The following MICU1 variants were observed in gnomAD, a reference collection of about 807,000 sequenced individuals.
MICU1 encodes calcium uptake protein 1, mitochondrial.
In MICU1, 45 loss-of-function variants were observed where a neutral mutation model predicts 56.8. The ratio of observed to expected loss-of-function variants is 0.79; its 90% confidence interval spans 0.62 to 1.02. MICU1 has a LOEUF of 1.02. Ranked by LOEUF, MICU1 falls within the 50% of genes least tolerant of loss-of-function variation. The probability of loss-of-function intolerance (pLI) is 0.00; values close to 1 mark genes in which losing one functional copy is unlikely to be tolerated. For missense variants in MICU1, 504 were observed against 587.1 expected (o/e 0.86, Z 1.46); for synonymous variants, 186 against 195.1 (o/e 0.95, Z 0.39).
At chr10:72,427,743 T>C (rs1308045647) in intron 8 of MICU1, among the ~76,000 whole-genome samples, 1 of 27,426 alleles carries the variant, frequency 3.6e-5, no homozygotes, top group Non-Finnish European at 1.4e-4. Context: ...AATATATATA[T>C]ATATATATAT....
At chr10:72,500,302 ATTTTTTTTTTT>A (rs542725786) in intron 6 of MICU1, among the ~76,000 whole-genome samples, 7 of 10,678 alleles carry the variant, frequency 6.6e-4, no homozygotes, top group Admixed American at 1.9e-3. Context: ...ATATATATAT[ATTTTTTTTTTT>A]TTTTTTTTTT....
In MICU1 at chr10:72,368,036, A is replaced by G; in HGVS notation, c.*159T>C. ...AATCAGAGCCCAGCAGAACACGGGG[A>G]CGGGGAAGGGTAAAGAGGGGAAACC... is the stretch of plus-strand genomic sequence containing the variant. On this transcript the variant is annotated 3_prime_UTR_variant, in exon 12 of 12. Transcript: ENST00000361114. 1.5e-6 allele frequency: 1 copy of G among 683,574 alleles called. No individual in the cohort carries two copies. The highest frequency in any genetic ancestry group is 2.4e-6 in the Non-Finnish European group (1 of 417,696). The allele number at this position is 683,574 out of a possible 1,614,324, so 42.3% of individuals were successfully genotyped here. A position where few individuals can be genotyped will look rare whatever the true frequency, so the allele number is the denominator to read the frequency against.
intron 5 of MICU1, among the ~76,000 whole-genome samples, chr10:72,518,311 G>A (rs868096394): frequency 2.8e-4 from 43 of 152,142 alleles, no homozygotes; most frequent in African/African-American, 1.0e-3. Context: ...TGGGATTACA[G>A]GCGTGAGCCA....
rs372584332 is a variant in MICU1, at chr10:72,443,932, T to C, written c.934-20561A>G. 5.6e-3 allele frequency among the ~76,000 whole-genome samples: 853 copies of C among 151,674 alleles called. 4 individuals carry two copies. The highest frequency in any genetic ancestry group is 0.027 in the East Asian group (141 of 5,172). ...AAAGACACATGCACACGTATGTTTATTGCAGCACTATTCACAATAGCAAAG... is the reference window on the plus strand; with the variant it reads ...AAAGACACATGCACACGTATGTTTACTGCAGCACTATTCACAATAGCAAAG... On this transcript the variant is annotated intron_variant, in intron 8 of 11. Coordinates refer to ENST00000361114, the MANE Select transcript of MICU1 (RefSeq NM_001195518.2).
intron 4 of MICU1, among the ~76,000 whole-genome samples, chr10:72,547,713 C>T (rs1448737409): frequency 6.6e-6 from 1 of 152,136 alleles, no homozygotes; most frequent in Non-Finnish European, 1.5e-5. Flanking sequence ...TGTTAAACAA[C>T]ACCTTATGGA....
chr10:72,508,238 T>A lies in MICU1; in HGVS notation c.569A>T (p.Asp190Val). The A allele has an allele frequency of 6.5e-7, 1 of 1,526,818 alleles. No individual in the cohort carries two copies. The highest frequency in any genetic ancestry group is 1.7e-4 in the Middle Eastern group (1 of 5,734). 94.6% of individuals were successfully genotyped at this position (1,526,818 alleles called of 1,614,324 possible). ...AAGGGTGTAAAATATACTGCCTTCA[T>A]CAGCAAATTTTTCTCGTTCCTGGGA... ...KISQEREKFADEGSIFYTLGE... is the reference protein window; with the variant it reads ...KISQEREKFAVEGSIFYTLGE... The change falls in exon 6 of 12, where the codon GAT (aspartate) becomes GTT (valine). Residue 190 changes from aspartate to valine, a missense_variant. Coordinates refer to ENST00000361114, the MANE Select transcript of MICU1 (RefSeq NM_001195518.2).
At chr10:72,621,535 C>T (rs1485258888) in intron 1 of MICU1, among the ~76,000 whole-genome samples, 2 of 151,914 alleles carry the variant, frequency 1.3e-5, no homozygotes, top group Non-Finnish European at 2.9e-5. Context: ...GGTTTCTATA[C>T]TAACAGATTT....
intron 4 of MICU1, among the ~76,000 whole-genome samples, chr10:72,540,847 G>A (rs927779383): frequency 9.2e-5 from 14 of 152,188 alleles, no homozygotes; most frequent in African/African-American, 2.9e-4. Flanking sequence ...GACTTCTGAG[G>A]TTGGCTTTCT....
chr10:72,420,334 T>G (rs986039788), intron 9 of MICU1, among the ~76,000 whole-genome samples: 3 of 152,218 alleles, frequency 2.0e-5, no homozygotes, highest in Non-Finnish European at 2.9e-5. Context: ...GTGCTGGGAT[T>G]ACAGGCATGA....
chr10:72,417,604 G>T lies in MICU1; in HGVS notation c.1071+5630C>A, dbSNP rs139171508. Reference sequence around the variant, plus strand: ...ATCCTTAAGAAGTTACTAGTTAGTAGCTTCTGCATTCATAAACATAGAGGA... The same window carrying T: ...ATCCTTAAGAAGTTACTAGTTAGTATCTTCTGCATTCATAAACATAGAGGA... On this transcript the variant is annotated intron_variant, in intron 9 of 11. Transcript: ENST00000361114. Among the ~76,000 whole-genome samples, 8 of 152,278 alleles carry T rather than the reference G, an allele frequency of 5.3e-5. No homozygotes were observed. The East Asian group carries it at 1.5e-3, about 29-fold the overall frequency.
chr10:72,368,015 A>G lies in MICU1; in HGVS notation c.*180T>C, dbSNP rs1484741196. On this transcript the variant is annotated 3_prime_UTR_variant, in exon 12 of 12. Transcript: ENST00000361114. Reference sequence around the variant, plus strand: ...ATGGGGATACTCATTGGGCAGAATCAGAGCCCAGCAGAACACGGGGACGGG... The same window carrying G: ...ATGGGGATACTCATTGGGCAGAATCGGAGCCCAGCAGAACACGGGGACGGG... The G allele has an allele frequency of 4.2e-5, 25 of 602,116 alleles. No individual in the cohort carries two copies. Among genetic ancestry groups the G allele is most frequent in the Non-Finnish European group, 6.6e-5 (23 of 349,878 alleles). 37.3% of individuals were successfully genotyped at this position (602,116 alleles called of 1,614,324 possible).
chr10:72,519,613 GCTGGTGC>G (rs1483933966), intron 5 of MICU1, among the ~76,000 whole-genome samples: 3 of 152,132 alleles, frequency 2.0e-5, no homozygotes, highest in Non-Finnish European at 2.9e-5. Context: ...GGTTAAAGTT[GCTGGTGC>G]CATGAGGGGC....
chr10:72,409,808 A>G (rs552991936), intron 9 of MICU1, among the ~76,000 whole-genome samples: 20 of 152,348 alleles, frequency 1.3e-4, no homozygotes, highest in African/African-American at 4.8e-4. Context: ...ACTATATAGA[A>G]AGGTGCATAA....
chr10:72,568,901 C>T (rs187146538), intron 1 of MICU1, among the ~76,000 whole-genome samples: 2 of 150,312 alleles, frequency 1.3e-5, no homozygotes, highest in African/African-American at 2.4e-5. Flanking sequence ...TACAGGCACA[C>T]GACAACCACA....
At chr10:72,463,470 T>G (rs1865699354) in intron 8 of MICU1, among the ~76,000 whole-genome samples, 1 of 152,224 alleles carries the variant, frequency 6.6e-6, no homozygotes, top group Non-Finnish European at 1.5e-5. Flanking sequence ...CTTAAAATTT[T>G]TCCTCCATTC....
intron 8 of MICU1, among the ~76,000 whole-genome samples, chr10:72,459,604 T>A (rs1252268108): frequency 6.6e-6 from 1 of 152,170 alleles, no homozygotes; most frequent in Non-Finnish European, 1.5e-5. Context: ...AACTTAAATA[T>A]AAGGATAGCA....
chr10:72,454,882 T>C (rs1865410823), intron 8 of MICU1, among the ~76,000 whole-genome samples: 1 of 150,610 alleles, frequency 6.6e-6, no homozygotes, highest in Admixed American at 6.6e-5. Context: ...ATGCTAGGAG[T>C]TTTGGGAAAA....
At chr10:72,434,441 T>G (rs1266988142) in intron 8 of MICU1, among the ~76,000 whole-genome samples, 1 of 152,084 alleles carries the variant, frequency 6.6e-6, no homozygotes, top group African/African-American at 2.4e-5. Context: ...TTGCTAAAAA[T>G]TTCATGCCAT....
At chr10:72,576,823 G>T (rs1015738194) in intron 1 of MICU1, among the ~76,000 whole-genome samples, 21 of 152,186 alleles carry the variant, frequency 1.4e-4, no homozygotes, top group African/African-American at 4.8e-4. Context: ...TGTACCTAGT[G>T]ACTTTAAGTT....
Sources: gnomAD v4.1 joint callset for allele counts (sites outside exome capture counted in the v4.1 genomes callset) on GRCh38, gnomAD v4.1.1 for gene constraint, MANE v1.5 for transcripts, NCBI Gene and HGNC (gene_info 2026-07-23, HGNC 2026-07-21) for gene names.